SH3RF3: variants seen among roughly 807,000 people sequenced by gnomAD.
SH3RF3 encodes the protein SH3 domain containing ring finger 3, also known as E3 ubiquitin-protein ligase SH3RF3.
Under a neutral mutation model 66.3 loss-of-function variants are expected in SH3RF3, and 29 were observed. That is an observed-to-expected ratio of 0.44 (90% CI 0.33 to 0.60). The LOEUF (loss-of-function observed/expected upper bound fraction) is 0.60, where lower values mean the gene tolerates loss of function less well. SH3RF3 is among the 20% of genes least tolerant of loss of function. SH3RF3 has a pLI of 0.04. For synonymous variants in SH3RF3, 583 were observed against 532.0 expected (o/e 1.10, Z -1.32); for missense variants, 1,194 against 1,190.9 (o/e 1.00, Z -0.04).
chr2:109,197,331 G>A (rs1288437204), intron 1 of SH3RF3, among the ~76,000 whole-genome samples: 1 of 151,994 alleles, frequency 6.6e-6, no homozygotes, highest in African/African-American at 2.4e-5. Context: ...ACACAGGAGG[G>A]GTTAAGAAGG....
intron 6 of SH3RF3, among the ~76,000 whole-genome samples, chr2:109,436,489 C>T (rs1179712964): frequency 5.9e-5 from 9 of 152,200 alleles, no homozygotes; most frequent in East Asian, 1.9e-4. Context: ...AGGGGGCCCG[C>T]GTCCTTGCCA....
At chr2:109,252,369 A>G (rs1680113959) in intron 1 of SH3RF3, among the ~76,000 whole-genome samples, 1 of 152,210 alleles carries the variant, frequency 6.6e-6, no homozygotes, top group African/African-American at 2.4e-5. Context: ...AGTTGGATGC[A>G]AACTCTCAAA....
chr2:109,145,704 T>G (rs13403619), intron 1 of SH3RF3, among the ~76,000 whole-genome samples: 11,070 of 152,202 alleles, frequency 0.073, 1,288 homozygotes, highest in African/African-American at 0.24. Context: ...TCTTGGGTGT[T>G]CTCACAGGTC....
In SH3RF3 at chr2:109,346,182, AT is replaced by A. The variant is rs373682981; in HGVS notation, c.574-1482del. Among the ~76,000 whole-genome samples, 129 of 150,220 alleles carry A rather than the reference AT, an allele frequency of 8.6e-4. 1 individual carries two copies. Among genetic ancestry groups the A allele is most frequent in the African/African-American group, 2.5e-3 (102 of 40,874 alleles). On this transcript the variant is annotated intron_variant, in intron 1 of 9. Coordinates refer to ENST00000309415, the MANE Select transcript of SH3RF3 (RefSeq NM_001099289.3). ...AATGAGTATTATTGGAAGCAAACGG[AT>A]TTTTTTTTTCTCTTCGAGTTCTGCA...
At chr2:109,309,375 C>T (rs74575313) in intron 1 of SH3RF3, among the ~76,000 whole-genome samples, 39,209 of 140,066 alleles carry the variant, frequency 0.28, 7,091 homozygotes, top group African/African-American at 0.51. Context: ...AAGGAACAAC[C>T]GGTACCAGCT....
At position 109,443,350 on chromosome 2, in the gene SH3RF3, G is replaced by A. The variant is rs767001822; in HGVS notation, c.1829-5820G>A. Among the ~76,000 whole-genome samples the A allele has an allele frequency of 5.9e-5, 9 of 152,288 alleles. No individual in the cohort carries two copies. In the South Asian group the frequency reaches 8.3e-4, roughly 14 times the overall value. On this transcript the variant is annotated intron_variant, in intron 7 of 9. Transcript: ENST00000309415. ...CATTGTACTGTGTTGCCCCCTATCG[G>A]CTCTATCCTCCTGTCATCTCTGTGT...
chr2:109,458,401 T>A (rs975710926), intron 8 of SH3RF3, among the ~76,000 whole-genome samples: 6 of 152,154 alleles, frequency 3.9e-5, no homozygotes, highest in African/African-American at 1.4e-4. Context: ...GCCTTCTAAC[T>A]CTTATTTATT....
chr2:109,345,369 C>T (rs34842377), intron 1 of SH3RF3, among the ~76,000 whole-genome samples: 22,071 of 152,088 alleles, frequency 0.15, 2,077 homozygotes, highest in East Asian at 0.38. Flanking sequence ...ACGAGCCGGC[C>T]GCAGAAGGGA....
intron 1 of SH3RF3, among the ~76,000 whole-genome samples, chr2:109,249,467 C>CTCTTTCCT (rs1553491141): frequency 6.0e-5 from 6 of 99,286 alleles, no homozygotes; most frequent in Admixed American, 2.2e-4. Flanking sequence ...TTCTCTCTTT[C>CTCTTTCCT]TCTTTCTTTC....
At chr2:109,426,121 C>T (rs1196238476) in intron 5 of SH3RF3, among the ~76,000 whole-genome samples, 1 of 152,150 alleles carries the variant, frequency 6.6e-6, no homozygotes, top group Non-Finnish European at 1.5e-5. Context: ...GTTGGCCAGG[C>T]TGGTGTCTAA....
At chr2:109,235,510 G>A (rs868703948) in intron 1 of SH3RF3, among the ~76,000 whole-genome samples, 2 of 152,216 alleles carry the variant, frequency 1.3e-5, no homozygotes, top group Non-Finnish European at 2.9e-5. Flanking sequence ...GGCACATGGG[G>A]CCATCTGGTC....
intron 1 of SH3RF3, among the ~76,000 whole-genome samples, chr2:109,266,310 T>C (rs1680493108): frequency 6.6e-6 from 1 of 151,628 alleles, no homozygotes; most frequent in Non-Finnish European, 1.5e-5. Flanking sequence ...GTGTTGTGTG[T>C]GTGTTGTATG....
intron 1 of SH3RF3, among the ~76,000 whole-genome samples, chr2:109,251,263 A>G (rs1378682015): frequency 6.6e-6 from 1 of 152,134 alleles, no homozygotes; most frequent in African/African-American, 2.4e-5. Flanking sequence ...TCAGCCTCCC[A>G]AAGTGCTGGG....
intron 9 of SH3RF3, among the ~76,000 whole-genome samples, chr2:109,492,572 G>A (rs186279848): frequency 5.3e-5 from 8 of 152,302 alleles, no homozygotes; most frequent in Admixed American, 5.2e-4. Context: ...CTACATGTGT[G>A]TAGTCTCAGT....
At chr2:109,358,683 A>G (rs1348923168) in intron 2 of SH3RF3, among the ~76,000 whole-genome samples, 1 of 152,172 alleles carries the variant, frequency 6.6e-6, no homozygotes, top group African/African-American at 2.4e-5. Flanking sequence ...TTGCATAATA[A>G]TCCTTTATCA....
chr2:109,362,774 G>A (rs1013953483), intron 2 of SH3RF3, among the ~76,000 whole-genome samples: 1 of 152,146 alleles, frequency 6.6e-6, no homozygotes, highest in African/African-American at 2.4e-5. Context: ...TAATGATAAG[G>A]ATTATTATGT....
In SH3RF3 at chr2:109,157,662, G is replaced by A. The variant is rs1677379854; in HGVS notation, c.573+27549G>A. 2.6e-5 allele frequency among the ~76,000 whole-genome samples: 4 copies of A among 152,322 alleles called. No homozygotes were observed. The South Asian group carries it at 8.3e-4, about 32-fold the overall frequency. On this transcript the variant is annotated intron_variant, in intron 1 of 9. Transcript: ENST00000309415. ...AGCCACCTGAAAGGGATATAAAGAT[G>A]TGATTCAGTTGGTTACTGAGCTGCC... is the stretch of plus-strand genomic sequence containing the variant.
At chr2:109,493,617 C>T (rs977654304) in intron 9 of SH3RF3, among the ~76,000 whole-genome samples, 11 of 151,216 alleles carry the variant, frequency 7.3e-5, no homozygotes, top group South Asian at 4.2e-4. Flanking sequence ...ACACTGCAAA[C>T]NCACACCCCA....
intron 1 of SH3RF3, among the ~76,000 whole-genome samples, chr2:109,327,133 C>A (rs1682178461): frequency 1.3e-5 from 2 of 152,132 alleles, no homozygotes; most frequent in South Asian, 4.1e-4. Context: ...AAAATCATTT[C>A]CTACCCTGGA....
Sources: allele counts gnomAD v4.1 joint callset (sites outside exome capture counted in the v4.1 genomes callset), GRCh38; gene constraint gnomAD v4.1.1; transcripts MANE v1.5; gene names NCBI Gene and HGNC (gene_info 2026-07-23, HGNC 2026-07-21).